HIC1: variants seen among roughly 807,000 people sequenced by gnomAD.
HIC1 encodes hypermethylated in cancer 1 protein.
HIC1 carries 9 observed loss-of-function variants against 26.4 expected under a neutral mutation model. The ratio of observed to expected loss-of-function variants is 0.34; its 90% confidence interval spans 0.21 to 0.59. The LOEUF (loss-of-function observed/expected upper bound fraction) is 0.59, where lower values mean the gene tolerates loss of function less well. HIC1 is among the 20% of genes least tolerant of loss of function. The pLI is 0.82. For synonymous variants in HIC1, 631 were observed against 523.1 expected, an observed-to-expected ratio of 1.21 and a Z score of -2.81; for missense variants, 965 against 1,075.7, an observed-to-expected ratio of 0.90 and a Z score of 1.44.
In HIC1 at chr17:2,055,423, T is replaced by A. The variant is rs1038535689; in HGVS notation, c.-21+185T>A. 6.8e-6 allele frequency among the ~76,000 whole-genome samples: 1 copy of A among 146,434 alleles called. No individual in the cohort carries two copies. Among genetic ancestry groups the A allele is most frequent in the African/African-American group, 2.5e-5 (1 of 40,120 alleles). On this transcript the variant is annotated intron_variant, in intron 1 of 1. Coordinates refer to ENST00000619757, the MANE Select transcript of HIC1 (RefSeq NM_006497.4). The surrounding 1 kb of genome is among the most constrained non-coding windows in gnomAD (Gnocchi z 6.4). ...ACCGGGCCGCGGCTCCGCGCCGGGT[T>A]CACGGCGGGGTCAGCGGCCCGGGGC... is the stretch of plus-strand genomic sequence containing the variant.
intron 1 of HIC1, chr17:2,056,428 T>C: frequency 6.8e-7 from 1 of 1,463,286 alleles, no homozygotes; most frequent in African/African-American, 1.4e-5. Context: ...CCCTGGGGCG[T>C]GCAGGCCGCC....
Position 2,059,543 on chromosome 17 carries a change from G to C in HIC1, c.*708G>C, listed in dbSNP as rs950139752. The C allele has an allele frequency of 1.2e-5, 2 of 167,078 alleles. No homozygotes were observed. The highest frequency in any genetic ancestry group is 2.9e-5 in the Non-Finnish European group (2 of 68,188). 10.3% of individuals were successfully genotyped at this position (167,078 alleles called of 1,614,324 possible). ...ATGCGCCCCGGCGGCCCCCCATCCC[G>C]AGCCCAGGCTGGGCTGGGCTGGAAC... On this transcript the variant is annotated 3_prime_UTR_variant, in exon 2 of 2. Coordinates refer to ENST00000619757, the MANE Select transcript of HIC1 (RefSeq NM_006497.4).
chr17:2,056,139 G>C (rs1357275036), intron 1 of HIC1: 3 of 355,342 alleles, frequency 8.4e-6, no homozygotes, highest in Non-Finnish European at 1.0e-5. Context: ...CGCGGCCGCC[G>C]CCCGGGCCCC....
rs1351046226 is a variant in HIC1, at chr17:2,057,826, G to C, written c.1136G>C (p.Ser379Thr). 1.9e-6 allele frequency: 3 copies of C among 1,573,250 alleles called. No individual in the cohort carries two copies. In the African/African-American group the frequency reaches 4.1e-5, roughly 21 times the overall value. Reference protein sequence around the residue: ...GAGGDGDDYKSSSEETGSSED... With the variant: ...GAGGDGDDYKTSSEETGSSED... ...GGCGGCGACGGCGACGACTACAAGA[G>C]CAGCAGCGAGGAGACCGGTAGCAGC... Residue 379 changes from serine to threonine, a missense_variant, in exon 2 of 2, where the codon AGC becomes ACC. By Grantham distance (58) the Ser-to-Thr change is moderately conservative. Transcript: ENST00000619757.
Position 2,059,443 on chromosome 17 carries a change from G to A in HIC1, c.*608G>A, listed in dbSNP as rs571511932. On this transcript the variant is annotated 3_prime_UTR_variant, in exon 2 of 2. Transcript: ENST00000619757. ...GGGAGTTCTGGAGTCGGAAGGCGAA[G>A]AGCCTACCACCAGGTCTCCCACTCC... 250 of 167,508 alleles carry A rather than the reference G, an allele frequency of 1.5e-3. 2 individuals carry two copies. The highest frequency in any genetic ancestry group is 3.7e-3 in the East Asian group (19 of 5,182). 10.4% of individuals were successfully genotyped at this position (167,508 alleles called of 1,614,324 possible). A position where few individuals can be genotyped will look rare whatever the true frequency, so the allele number is the denominator to read the frequency against.
At position 2,055,813 on chromosome 17, in the gene HIC1, C is replaced by T. The variant is rs1025870086; in HGVS notation, c.-21+575C>T. 6.6e-6 allele frequency among the ~76,000 whole-genome samples: 1 copy of T among 151,712 alleles called. No homozygotes were observed. The highest frequency in any genetic ancestry group is 1.5e-5 in the Non-Finnish European group (1 of 67,874). ...CCCTGTCTGCAGTTGGAAAACTTTT[C>T]CCCAAGTTTGGGGCGGCGGAGTTCC... On this transcript the variant is annotated intron_variant, in intron 1 of 1. Transcript: ENST00000619757. The surrounding 1 kb of genome is among the most constrained non-coding windows in gnomAD (Gnocchi z 6.4).
Position 2,056,671 on chromosome 17 carries a change from G to T in HIC1, c.-20G>T. Reference sequence around the variant, plus strand: ...ACCCGGCCGGTGTGTGTCCCCGCAGGAGAGTGTGCTGGGCAGACGATGCTG... The same window carrying T: ...ACCCGGCCGGTGTGTGTCCCCGCAGTAGAGTGTGCTGGGCAGACGATGCTG... On this transcript the variant is annotated splice_region_variant and 5_prime_UTR_variant, in exon 2 of 2. Transcript: ENST00000619757. 6.4e-7 allele frequency: 1 copy of T among 1,561,886 alleles called. No individual in the cohort carries two copies. The highest frequency in any genetic ancestry group is 1.4e-5 in the African/African-American group (1 of 73,928).
intron 1 of HIC1, chr17:2,056,306 C>T (rs1349054181): frequency 1.2e-6 from 2 of 1,612,978 alleles, no homozygotes; most frequent in Admixed American, 3.3e-5. Flanking sequence ...GTTCTCCGCC[C>T]TGAATGACTT....
rs765310627 is a variant in HIC1, at chr17:2,057,503, G to A, written c.813G>A (p.Pro271=). 57 of 1,487,930 alleles carry A rather than the reference G, an allele frequency of 3.8e-5. No individual in the cohort carries two copies. The highest frequency in any genetic ancestry group is 3.2e-4 in the Admixed American group (15 of 46,184). 92.2% of individuals were successfully genotyped at this position (1,487,930 alleles called of 1,614,324 possible). Residue 271 remains proline (P), a synonymous_variant, in exon 2 of 2, where the codon CCG becomes CCA. Coordinates refer to ENST00000619757, the MANE Select transcript of HIC1 (RefSeq NM_006497.4). ...KEPPLALPSL[P]PLPFQKLEEA... ...CGCCTCTCGCCCTGCCGTCGCTGCCGCCGCTGCCCTTCCAGAAGCTGGAGG... is the reference window on the plus strand; with the variant it reads ...CGCCTCTCGCCCTGCCGTCGCTGCCACCGCTGCCCTTCCAGAAGCTGGAGG...
chr17:2,059,685 G>A lies in HIC1; in HGVS notation c.*850G>A, dbSNP rs958328111. On this transcript the variant is annotated 3_prime_UTR_variant, in exon 2 of 2. Transcript: ENST00000619757. ...CAAACAGCAATAAAGCAGTAACCAA[G>A]GACCCCGACCCCGCTGCTCTCTTCT... 1.0e-4 allele frequency: 17 copies of A among 167,062 alleles called. No individual in the cohort carries two copies. Among genetic ancestry groups the A allele is most frequent in the Admixed American group, 3.9e-4 (6 of 15,272 alleles). The allele number at this position is 167,062 out of a possible 1,614,324, so 10.3% of individuals were successfully genotyped here. A position where few individuals can be genotyped will look rare whatever the true frequency, so the allele number is the denominator to read the frequency against.
chr17:2,056,015 C>A (rs1318869789), intron 1 of HIC1, among the ~76,000 whole-genome samples: 2 of 146,970 alleles, frequency 1.4e-5, no homozygotes, highest in Non-Finnish European at 3.0e-5. Flanking sequence ...GTGGCTCCCC[C>A]CTCCCCCCCA....
At position 2,060,197 on chromosome 17, in the gene HIC1, G is replaced by C. The variant is rs1031055366; in HGVS notation, c.*1362G>C. 19 of 152,284 alleles carry C rather than the reference G, an allele frequency of 1.2e-4. No homozygotes were observed. The highest frequency in any genetic ancestry group is 4.6e-4 in the African/African-American group (19 of 41,442). The allele number at this position is 152,284 out of a possible 1,614,324, so 9.4% of individuals were successfully genotyped here. On this transcript the variant is annotated 3_prime_UTR_variant, in exon 2 of 2. Coordinates refer to ENST00000619757, the MANE Select transcript of HIC1 (RefSeq NM_006497.4). ...CTGGTCCCATTAAGATTTGCCCCTGGCTCCACCGAAAACCCCGTCTTCCCC... is the reference window on the plus strand; with the variant it reads ...CTGGTCCCATTAAGATTTGCCCCTGCCTCCACCGAAAACCCCGTCTTCCCC...
In HIC1 at chr17:2,058,580, C is replaced by T. The variant is rs1192340182; in HGVS notation, c.1890C>T (p.Val630=). ...GKGKLDFPEG[V]FAVARLTAEQ... is the part of the protein sequence containing the mutation. Reference sequence around the variant, plus strand: ...GCAAGCTCGACTTCCCCGAGGGCGTCTTTGCTGTGGCTCGCCTCACGGCCG... The same window carrying T: ...GCAAGCTCGACTTCCCCGAGGGCGTTTTTGCTGTGGCTCGCCTCACGGCCG... Residue 630 remains valine (V), a synonymous_variant, in exon 2 of 2, where the codon GTC becomes GTT. Coordinates refer to ENST00000619757, the MANE Select transcript of HIC1 (RefSeq NM_006497.4). 1.9e-6 allele frequency: 3 copies of T among 1,563,214 alleles called. No individual in the cohort carries two copies. The highest frequency in any genetic ancestry group is 2.8e-5 in the African/African-American group (2 of 70,950).
Position 2,057,358 on chromosome 17 carries a change from T to A in HIC1, c.668T>A (p.Leu223Gln), listed in dbSNP as rs1382079308. The change falls in exon 2 of 2, where the codon CTG becomes CAG. Residue 223 changes from leucine to glutamine, a missense_variant. Transcript: ENST00000619757. Reference protein sequence around the residue: ...SERRCSPLCGLDLSKKSPPGS... With the variant: ...SERRCSPLCGQDLSKKSPPGS... ...CGCCGCTGCTCCCCTCTTTGTGGCCTGGACCTGTCCAAGAAGAGCCCGCCG... is the reference window on the plus strand; with the variant it reads ...CGCCGCTGCTCCCCTCTTTGTGGCCAGGACCTGTCCAAGAAGAGCCCGCCG... The A allele has an allele frequency of 6.7e-7, 1 of 1,487,526 alleles. No homozygotes were observed. Among genetic ancestry groups the A allele is most frequent in the Admixed American group, 2.3e-5 (1 of 43,326 alleles). 92.1% of individuals were successfully genotyped at this position (1,487,526 alleles called of 1,614,324 possible). A position where few individuals can be genotyped will look rare whatever the true frequency, so the allele number is the denominator to read the frequency against.
rs2067680406 is a variant in HIC1, at chr17:2,057,201, C to T, written c.511C>T (p.Pro171Ser). 7 of 1,388,696 alleles carry T rather than the reference C, an allele frequency of 5.0e-6. No individual in the cohort carries two copies. The highest frequency in any genetic ancestry group is 6.5e-6 in the Non-Finnish European group (7 of 1,073,870). 86.0% of individuals were successfully genotyped at this position (1,388,696 alleles called of 1,614,324 possible). The change falls in exon 2 of 2, where the codon CCG (proline) becomes TCG (serine). Residue 171 changes from proline to serine, a missense_variant. Around this residue, in one of 6 missense-constraint regions of HIC1, gnomAD observed 526 missense variants for 525.0 expected, o/e 1.00. Coordinates refer to ENST00000619757, the MANE Select transcript of HIC1 (RefSeq NM_006497.4). ...AATPVIQACYPSPVGPPPPPA... is the reference protein window; with the variant it reads ...AATPVIQACYSSPVGPPPPPA... ...CACGCCGGTCATCCAGGCCTGCTAC[C>T]CGTCCCCAGTCGGGCCTCCGCCGCC...
rs1320984088 is a variant in HIC1 at position 2,059,709 on chromosome 17, C to G, written c.*874C>G. On this transcript the variant is annotated 3_prime_UTR_variant, in exon 2 of 2. Transcript: ENST00000619757. ...AGGACCCCGACCCCGCTGCTCTCTT[C>G]TGCCCCTGCACAAGGACCTGGATGG... 6.0e-6 allele frequency: 1 copy of G among 167,306 alleles called. No homozygotes were observed. The highest frequency in any genetic ancestry group is 1.5e-5 in the Non-Finnish European group (1 of 68,416). The allele number at this position is 167,306 out of a possible 1,614,324, so 10.4% of individuals were successfully genotyped here. A position where few individuals can be genotyped will look rare whatever the true frequency, so the allele number is the denominator to read the frequency against.
At position 2,061,465 on chromosome 17, in the gene HIC1, CG is replaced by C. The variant is rs145926620; in HGVS notation, c.*2640del. 915 of 1,356,096 alleles carry C rather than the reference CG, an allele frequency of 6.7e-4. 1 individual carries two copies. The highest frequency in any genetic ancestry group is 9.8e-4 in the Middle Eastern group (4 of 4,100). The allele number at this position is 1,356,096 out of a possible 1,614,324, so 84.0% of individuals were successfully genotyped here. On this transcript the variant is annotated 3_prime_UTR_variant, in exon 2 of 2. Coordinates refer to ENST00000619757, the MANE Select transcript of HIC1 (RefSeq NM_006497.4). The stretch of plus-strand genomic sequence containing the variant: ...TGGTGGCCTTTCAGGAACGGTTCCA[CG>C]GGGGGGGGGCCCCAGTGTGGCTCCC...
In HIC1 at chr17:2,061,895, G is replaced by A; in HGVS notation, c.*3060G>A. 2 of 409,990 alleles carry A rather than the reference G, an allele frequency of 4.9e-6. No homozygotes were observed. Among genetic ancestry groups the A allele is most frequent in the Non-Finnish European group, 9.2e-6 (2 of 217,446 alleles). The allele number at this position is 409,990 out of a possible 1,614,324, so 25.4% of individuals were successfully genotyped here. A position where few individuals can be genotyped will look rare whatever the true frequency, so the allele number is the denominator to read the frequency against. ...TCCCAAAAGCTGCCCAAACCCGTCA[G>A]CCTCCCAGGACCCTAAACTGAGGGA... On this transcript the variant is annotated 3_prime_UTR_variant, in exon 2 of 2. Transcript: ENST00000619757.
Position 2,058,967 on chromosome 17 carries a change from CTCGGCGGCCTCACCTG to C in HIC1, c.*133_*148del, listed in dbSNP as rs2067705390. ...CGTCGCCACAGTGGCGGCTCCACCT[CTCGGCGGCCTCACCTG>C]GCCTCACTGCTTCGTGCCTTAGCTC... On this transcript the variant is annotated 3_prime_UTR_variant, in exon 2 of 2. Coordinates refer to ENST00000619757, the MANE Select transcript of HIC1 (RefSeq NM_006497.4). The C allele has an allele frequency of 1.3e-5, 11 of 823,708 alleles. No individual in the cohort carries two copies. The South Asian group carries it at 2.8e-4, about 21-fold the overall frequency. 51.0% of individuals were successfully genotyped at this position (823,708 alleles called of 1,614,324 possible).
Sources: gnomAD v4.1 joint callset for allele counts (sites outside exome capture counted in the v4.1 genomes callset) on GRCh38, gnomAD v4.1.1 for gene constraint, gnomAD v4.1.1 regional missense constraint, Gnocchi (gnomAD v3.1) non-coding constraint, MANE v1.5 for transcripts, NCBI Gene and HGNC (gene_info 2026-07-23, HGNC 2026-07-21) for gene names.